The following DACH2 variants were observed in gnomAD, a reference collection of about 807,000 sequenced individuals.
DACH2 encodes dachshund homolog 2.
In DACH2, 17 loss-of-function variants were observed where a neutral mutation model predicts 35.8. That is an observed-to-expected ratio of 0.48 (90% CI 0.33 to 0.71). The LOEUF is 0.71. Ranked by LOEUF, DACH2 falls within the 30% of genes least tolerant of loss-of-function variation. DACH2 has a pLI of 0.02. For missense variants in DACH2, 469 were observed against 472.7 expected, an observed-to-expected ratio of 0.99 and a Z score of 0.07; for synonymous variants, 195 against 177.3, an observed-to-expected ratio of 1.10 and a Z score of -0.79.
chrX:86,374,095 T>C (rs2148099124), intron 1 of DACH2, among the ~76,000 whole-genome samples: 1 of 110,861 alleles, frequency 9.0e-6, no homozygotes, highest in South Asian at 3.8e-4. Flanking sequence ...TCGCATGCTG[T>C]TTCTCTATAT....
At chrX:86,165,335 G>GTA (rs1323733287) in intron 1 of DACH2, among the ~76,000 whole-genome samples, 1 of 111,364 alleles carries the variant, frequency 9.0e-6, no homozygotes, top group East Asian at 2.8e-4. Context: ...TTTCTTTTGT[G>GTA]TATATACTCT....
At chrX:86,752,383 G>A (rs939377591) in intron 7 of DACH2, among the ~76,000 whole-genome samples, 6 of 110,688 alleles carry the variant, frequency 5.4e-5, no homozygotes, top group African/African-American at 2.0e-4. Context: ...ATATCTATTG[G>A]CCATTTTTAT....
intron 3 of DACH2, among the ~76,000 whole-genome samples, chrX:86,570,912 G>A (rs774285290): frequency 9.0e-6 from 1 of 110,591 alleles, no homozygotes; most frequent in Non-Finnish European, 1.9e-5. Flanking sequence ...TCCTTTTCCT[G>A]TGTTTTTCAA....
intron 1 of DACH2, among the ~76,000 whole-genome samples, chrX:86,234,105 C>A (rs1250469014): frequency 2.7e-5 from 3 of 111,960 alleles, no homozygotes; most frequent in Non-Finnish European, 5.6e-5. Context: ...CTGCATTTAT[C>A]TTTCACTTTG....
At chrX:86,180,238 A>G (rs887697421) in intron 1 of DACH2, among the ~76,000 whole-genome samples, 6 of 86,748 alleles carry the variant, frequency 6.9e-5, no homozygotes, top group East Asian at 3.2e-4. Flanking sequence ...ATAAATCATG[A>G]TAAATCAGTA....
chrX:86,525,758 TG>T (rs1381310691), intron 3 of DACH2, among the ~76,000 whole-genome samples: 1 of 111,335 alleles, frequency 9.0e-6, no homozygotes, highest in Non-Finnish European at 1.9e-5. Flanking sequence ...TATCCCACAG[TG>T]CCCTGCTTTC....
At chrX:86,389,076 C>T (rs1050640987) in intron 2 of DACH2, among the ~76,000 whole-genome samples, 1 of 111,698 alleles carries the variant, frequency 9.0e-6, no homozygotes, top group African/African-American at 3.3e-5. Flanking sequence ...TGACCCCACA[C>T]CTGAAACTAC....
intron 1 of DACH2, among the ~76,000 whole-genome samples, chrX:86,295,779 A>G (rs1292226040): frequency 9.0e-6 from 1 of 111,149 alleles, no homozygotes; most frequent in Non-Finnish European, 1.9e-5. Context: ...AATAAGCTTC[A>G]AAAGACAGAG....
At chrX:86,296,949 C>G (rs2034475547) in intron 1 of DACH2, among the ~76,000 whole-genome samples, 1 of 108,206 alleles carries the variant, frequency 9.2e-6, no homozygotes, top group African/African-American at 3.4e-5. Flanking sequence ...CATGTCATAA[C>G]ATACACATGC....
chrX:86,579,418 G>A (rs1027223873), intron 3 of DACH2, among the ~76,000 whole-genome samples: 1 of 110,681 alleles, frequency 9.0e-6, no homozygotes, highest in Non-Finnish European at 1.9e-5. Flanking sequence ...TTTTAAACTG[G>A]AGTTTTGAAA....
rs747198301 is a variant in DACH2 at position 86,557,523 on chromosome X, T to G, written c.640+43132T>G. Among the ~76,000 whole-genome samples, 37 of 87,973 alleles carry G rather than the reference T, an allele frequency of 4.2e-4. 1 individual carries two copies. The highest frequency in any genetic ancestry group is 2.8e-3 in the South Asian group (4 of 1,432). 76.4% of individuals were successfully genotyped at this position (87,973 alleles called of 115,157 possible). On this transcript the variant is annotated intron_variant, in intron 3 of 11. Coordinates refer to ENST00000373125, the MANE Select transcript of DACH2 (RefSeq NM_053281.3). ...TGGGGATGGCATTGAATCTGTAAATTACCTTGGGCAGTATGGCCATTTTCA... is the reference window on the plus strand; with the variant it reads ...TGGGGATGGCATTGAATCTGTAAATGACCTTGGGCAGTATGGCCATTTTCA...
At chrX:86,610,398 TTTCTTTC>T (rs2039921738) in intron 3 of DACH2, among the ~76,000 whole-genome samples, 1 of 87,288 alleles carries the variant, frequency 1.1e-5, no homozygotes, top group African/African-American at 4.9e-5. Flanking sequence ...TCTTTCTTTC[TTTCTTTC>T]TTTCTTTCTT....
intron 1 of DACH2, among the ~76,000 whole-genome samples, chrX:86,255,719 T>G (rs181197668): frequency 1.7e-4 from 19 of 111,888 alleles, no homozygotes; most frequent in African/African-American, 5.8e-4. Flanking sequence ...TGTCTTTTTC[T>G]GGAAATAAGT....
intron 7 of DACH2, among the ~76,000 whole-genome samples, chrX:86,784,082 T>G (rs181638710): frequency 1.8e-5 from 2 of 110,283 alleles, no homozygotes; most frequent in Non-Finnish European, 3.8e-5. Context: ...ATACTTTTAT[T>G]AAATCATCCC....
chrX:86,422,359 T>A (rs1252586832), intron 2 of DACH2, among the ~76,000 whole-genome samples: 2 of 111,311 alleles, frequency 1.8e-5, no homozygotes, highest in African/African-American at 6.5e-5. Flanking sequence ...TTACTTTGTC[T>A]ATAGTTTTCC....
intron 3 of DACH2, among the ~76,000 whole-genome samples, chrX:86,586,315 C>A (rs1294903993): frequency 1.8e-5 from 2 of 111,321 alleles, no homozygotes; most frequent in South Asian, 3.7e-4. Flanking sequence ...GGATATTAGA[C>A]CTTTGTTGGA....
intron 1 of DACH2, among the ~76,000 whole-genome samples, chrX:86,324,112 G>C (rs1475778623): frequency 5.4e-5 from 6 of 111,886 alleles, no homozygotes; most frequent in Admixed American, 9.5e-5. Context: ...ACTGCATGAG[G>C]TTAGAAAGGG....
intron 3 of DACH2, among the ~76,000 whole-genome samples, chrX:86,610,908 C>T (rs2039935760): frequency 9.0e-6 from 1 of 111,322 alleles, no homozygotes. Context: ...CTCCCCCACC[C>T]TGTAGCTAAG....
intron 7 of DACH2, among the ~76,000 whole-genome samples, chrX:86,808,015 T>C (rs1310606641): frequency 8.9e-6 from 1 of 111,957 alleles, no homozygotes; most frequent in Admixed American, 9.5e-5. Flanking sequence ...GGAATGCCTT[T>C]CAGCTAGAGA....
Sources: allele counts gnomAD v4.1 joint callset (sites outside exome capture counted in the v4.1 genomes callset), GRCh38; gene constraint gnomAD v4.1.1; transcripts MANE v1.5; gene names NCBI Gene and HGNC (gene_info 2026-07-23, HGNC 2026-07-21).